The following SCN9A variants were observed in gnomAD, a reference collection of about 807,000 sequenced individuals.
The protein encoded by SCN9A is sodium channel protein type 9 subunit alpha.
A neutral mutation model predicts 187.0 loss-of-function variants in SCN9A; 131 were observed. The observed-to-expected ratio is 0.70, with a 90% CI of 0.61 to 0.81. The LOEUF is 0.81. Ranked by LOEUF, SCN9A falls within the 30% of genes least tolerant of loss-of-function variation. The probability of loss-of-function intolerance (pLI) is 0.00; values close to 1 mark genes in which losing one functional copy is unlikely to be tolerated. For missense variants in SCN9A, 2,252 were observed against 2,396.6 expected (o/e 0.94, Z 1.26); for synonymous variants, 809 against 808.6 (o/e 1.00, Z -0.01).
chr2:166,319,425 T>C (rs1351400542), intron 1 of SCN9A, among the ~76,000 whole-genome samples: 1 of 151,326 alleles, frequency 6.6e-6, no homozygotes, highest in Non-Finnish European at 1.5e-5. Flanking sequence ...GCAAAGGGAA[T>C]TTGTTTCTTT....
At chr2:166,218,761 C>T (rs1370818926) in intron 24 of SCN9A, among the ~76,000 whole-genome samples, 1 of 152,152 alleles carries the variant, frequency 6.6e-6, no homozygotes, top group African/African-American at 2.4e-5. Flanking sequence ...GCAAAAGAAA[C>T]TATCAACAGA....
At position 166,375,858 on chromosome 2, in the gene SCN9A, C is replaced by T. The variant is rs1700676872; in HGVS notation, c.-212G>A. ...GCCTGCCGCTAGCAGCCACTGGCACCCAGGCTAGCCCAGCCTCAGCCGAGC... is the reference window on the plus strand; with the variant it reads ...GCCTGCCGCTAGCAGCCACTGGCACTCAGGCTAGCCCAGCCTCAGCCGAGC... On this transcript the variant is annotated 5_prime_UTR_variant, in exon 1 of 27. Transcript: ENST00000642356. 1 of 152,250 alleles carries T rather than the reference C, an allele frequency of 6.6e-6. No homozygotes were observed. The highest frequency in any genetic ancestry group is 1.5e-5 in the Non-Finnish European group (1 of 68,066). The allele number at this position is 152,250 out of a possible 1,614,324, so 9.4% of individuals were successfully genotyped here.
intron 1 of SCN9A, among the ~76,000 whole-genome samples, chr2:166,348,586 T>C (rs548387911): frequency 6.6e-6 from 1 of 152,016 alleles, no homozygotes; most frequent in Non-Finnish European, 1.5e-5. Context: ...ACTGTCAGAG[T>C]GGTAATTAAA....
At chr2:166,296,919 C>T (rs549884256) in intron 7 of SCN9A, among the ~76,000 whole-genome samples, 7 of 152,082 alleles carry the variant, frequency 4.6e-5, no homozygotes, top group African/African-American at 1.7e-4. Context: ...GAATCACGGC[C>T]GGGCGCAGTG....
chr2:166,275,156 G>A (rs899729791), intron 16 of SCN9A, among the ~76,000 whole-genome samples: 19 of 152,022 alleles, frequency 1.2e-4, no homozygotes, highest in East Asian at 3.9e-4. Flanking sequence ...GAGAGCCAAG[G>A]GAATGCCTTT....
chr2:166,302,214 GAT>G (rs1698584514), intron 7 of SCN9A: 7 of 143,766 alleles, frequency 4.9e-5, no homozygotes, highest in African/African-American at 2.1e-4. Context: ...CCATCAGATA[GAT>G]ACATTCCAGG....
At chr2:166,232,076 G>A (rs2106392826) in intron 21 of SCN9A, among the ~76,000 whole-genome samples, 1 of 152,262 alleles carries the variant, frequency 6.6e-6, no homozygotes, top group East Asian at 1.9e-4. Flanking sequence ...ACGGGTTAGG[G>A]TCGGGACAGG....
At chr2:166,252,081 A>G (rs935488352) in intron 17 of SCN9A, among the ~76,000 whole-genome samples, 196 bp from the exon 18 acceptor site, 1 of 152,058 alleles carries the variant, frequency 6.6e-6, no homozygotes, top group African/African-American at 2.4e-5. Flanking sequence ...CTTTCTATCT[A>G]CACCATCCTG....
chr2:166,252,754 C>A (rs913766143), intron 17 of SCN9A, among the ~76,000 whole-genome samples: 2 of 151,556 alleles, frequency 1.3e-5, no homozygotes, highest in Admixed American at 6.6e-5. Flanking sequence ...TTATGAGTAA[C>A]CATGATGTTT....
Position 166,274,721 on chromosome 2 carries a change from C to T in SCN9A, c.2875-1846G>A, listed in dbSNP as rs146387075. Among the ~76,000 whole-genome samples the T allele has an allele frequency of 9.5e-4, 144 of 152,186 alleles. 2 individuals are homozygous for T. The East Asian group carries it at 0.022, about 24-fold the overall frequency. On this transcript the variant is annotated intron_variant, in intron 16 of 26. Transcript: ENST00000642356. ...TAATATGAGTTAGTTAACACTAATTCTACACGAATGAAACACTCACCAATA... is the reference window on the plus strand; with the variant it reads ...TAATATGAGTTAGTTAACACTAATTTTACACGAATGAAACACTCACCAATA...
chr2:166,318,576 A>T (rs1177963819), intron 1 of SCN9A, among the ~76,000 whole-genome samples: 1 of 119,844 alleles, frequency 8.3e-6, no homozygotes, highest in Non-Finnish European at 1.8e-5. Flanking sequence ...TCTTTTATTA[A>T]AAAAAAAAAA....
At chr2:166,291,299 C>A (rs974223508) in intron 9 of SCN9A, among the ~76,000 whole-genome samples, 6 of 151,872 alleles carry the variant, frequency 4.0e-5, no homozygotes, top group Admixed American at 3.9e-4. Context: ...AAGCAGAGAG[C>A]CAAATCATGA....
chr2:166,351,326 A>G (rs1700028523), intron 1 of SCN9A, among the ~76,000 whole-genome samples: 1 of 152,334 alleles, frequency 6.6e-6, no homozygotes, highest in African/African-American at 2.4e-5. Context: ...ACAACTTATC[A>G]TGAAAAAATT....
chr2:166,274,628 T>C (rs1697148274), intron 16 of SCN9A, among the ~76,000 whole-genome samples: 1 of 152,166 alleles, frequency 6.6e-6, no homozygotes, highest in African/African-American at 2.4e-5. Flanking sequence ...TAGTCAAGAG[T>C]TGGTTATCAA....
chr2:166,300,636 G>A (rs1320482382), intron 7 of SCN9A, among the ~76,000 whole-genome samples: 1 of 150,718 alleles, frequency 6.6e-6, no homozygotes, highest in African/African-American at 2.5e-5. Flanking sequence ...GGGAAACCAT[G>A]TAATAAACGC....
At chr2:166,278,390 C>A (rs1406995136) in intron 14 of SCN9A, 77 bp from the exon 15 acceptor site, 1 of 1,219,646 alleles carries the variant, frequency 8.2e-7, no homozygotes, top group Non-Finnish European at 1.1e-6. Flanking sequence ...TCACTGTTTG[C>A]TTAGCATTTA....
intron 1 of SCN9A, among the ~76,000 whole-genome samples, chr2:166,346,156 A>T (rs1288466731): frequency 6.6e-6 from 1 of 152,174 alleles, no homozygotes; most frequent in Non-Finnish European, 1.5e-5. Context: ...GCAAGAAAAC[A>T]AGAGTCAGTG....
At chr2:166,326,386 T>G (rs912506359) in intron 1 of SCN9A, among the ~76,000 whole-genome samples, 1 of 152,160 alleles carries the variant, frequency 6.6e-6, no homozygotes, top group Admixed American at 6.5e-5. Flanking sequence ...TATCTCAGTA[T>G]TTCTCATTTT....
rs570419018 is a variant in SCN9A at position 166,328,645 on chromosome 2, T to A, written c.-50-16839A>T. Among the ~76,000 whole-genome samples, 7 of 152,214 alleles carry A rather than the reference T, an allele frequency of 4.6e-5. No individual in the cohort carries two copies. In the South Asian group the frequency reaches 8.3e-4, roughly 18 times the overall value. ...AAGTACTTTAGGCAGAAGGAAAAGA[T>A]CTTAGACAAAAAGAATGGAAACACA... On this transcript the variant is annotated intron_variant, in intron 1 of 26. Transcript: ENST00000642356.
Sources: gnomAD v4.1 joint callset for allele counts (sites outside exome capture counted in the v4.1 genomes callset) on GRCh38, gnomAD v4.1.1 for gene constraint, MANE v1.5 for transcripts, NCBI Gene and HGNC (gene_info 2026-07-23, HGNC 2026-07-21) for gene names.